ANKRD35: variants seen among roughly 807,000 people sequenced by gnomAD.
ANKRD35 encodes the protein ankyrin repeat domain 35, also known as ankyrin repeat domain-containing protein 35.
Under a neutral mutation model 109.9 loss-of-function variants are expected in ANKRD35, and 102 were observed. The ratio of observed to expected loss-of-function variants is 0.93; its 90% CI spans 0.79 to 1.09. The LOEUF (loss-of-function observed/expected upper bound fraction) is 1.09. Ranked by LOEUF, ANKRD35 falls within the 50% of genes least tolerant of loss-of-function variation. The probability of loss-of-function intolerance (pLI) is 0.00; values close to 1 mark genes in which losing one functional copy is unlikely to be tolerated. For missense variants in ANKRD35, 1,240 were observed against 1,230.1 expected, an observed-to-expected ratio of 1.01 and a Z score of -0.12; for synonymous variants, 515 against 512.4, an observed-to-expected ratio of 1.01 and a Z score of -0.07.
rs1167830061 is a variant in ANKRD35 at position 145,874,312 on chromosome 1, A to G, written c.746-120T>C. On this transcript the variant is annotated intron_variant, in intron 8 of 13. Coordinates refer to ENST00000355594, the MANE Select transcript of ANKRD35 (RefSeq NM_144698.5). The stretch of plus-strand genomic sequence containing the variant: ...GCCTCTCTGTGATCAATCTCACTGC[A>G]CATCTTCCTGGTGCCAGAAGCCAAT... 4 of 1,106,708 alleles carry G rather than the reference A, an allele frequency of 3.6e-6. No individual in the cohort carries two copies. The Admixed American group carries it at 7.8e-5, about 22-fold the overall frequency. 68.6% of individuals were successfully genotyped at this position (1,106,708 alleles called of 1,614,324 possible).
Position 145,873,042 on chromosome 1 carries a change from C to T in ANKRD35, c.1727G>A (p.Gly576Glu), listed in dbSNP as rs1553739201. The T allele has an allele frequency of 6.2e-7, 1 of 1,611,740 alleles. No individual in the cohort carries two copies. ...SREGALKAAP[G>E]SIKQDEEKEK... ...CTTCTCTTCATCCTGTTTGATGCTC[C>T]CTGGGGCTGCCTTTAGGGCTCCCTC... The change falls in exon 10 of 14, where the codon GGG becomes GAG. Residue 576 changes from glycine to glutamate, a missense_variant. Gly to Glu is a moderately conservative substitution (Grantham distance 98). Coordinates refer to ENST00000355594, the MANE Select transcript of ANKRD35 (RefSeq NM_144698.5).
chr1:145,868,525 C>T (rs143545071), intron 10 of ANKRD35, 125 bp from the exon 11 acceptor site: 2 of 737,200 alleles, frequency 2.7e-6, no homozygotes, highest in African/African-American at 3.5e-5. Context: ...TCTCATTTAA[C>T]ACTCAAAACA....
chr1:145,883,657 G>A (rs1375895460), intron 1 of ANKRD35, among the ~76,000 whole-genome samples: 1 of 152,236 alleles, frequency 6.6e-6, no homozygotes, highest in Admixed American at 6.5e-5. Context: ...GATGGGTAGA[G>A]GCAGTCTTCC....
Position 145,876,310 on chromosome 1 carries a change from C to T in ANKRD35, c.454-64G>A, listed in dbSNP as rs969090860. On this transcript the variant is annotated intron_variant, in intron 6 of 13. Coordinates refer to ENST00000355594, the MANE Select transcript of ANKRD35 (RefSeq NM_144698.5). Reference sequence around the variant, plus strand: ...GACTGCAGAGGCTTGACAATCCTACCGGCTCCCCTCCCCTCACACCTGTCC... The same window carrying T: ...GACTGCAGAGGCTTGACAATCCTACTGGCTCCCCTCCCCTCACACCTGTCC... 2.1e-5 allele frequency: 31 copies of T among 1,483,010 alleles called. No homozygotes were observed. The African/African-American group carries it at 2.6e-4, about 13-fold the overall frequency. 91.9% of individuals were successfully genotyped at this position (1,483,010 alleles called of 1,614,324 possible).
Position 145,873,221 on chromosome 1 carries a change from C to T in ANKRD35, c.1548G>A (p.Pro516=), listed in dbSNP as rs782311485. ...KDAARGALSR[P]VMEGALGTPR... is the part of the protein sequence containing the mutation. ...GAGTCCCCAGGGCTCCCTCCATGAC[C>T]GGTCTTGACAAAGCCCCCCGGGCAG... Residue 516 remains proline, a synonymous_variant, in exon 10 of 14, where the codon CCG becomes CCA. Coordinates refer to ENST00000355594, the MANE Select transcript of ANKRD35 (RefSeq NM_144698.5). 1.1e-5 allele frequency: 18 copies of T among 1,613,906 alleles called. No individual in the cohort carries two copies. The highest frequency in any genetic ancestry group is 1.4e-5 in the Non-Finnish European group (16 of 1,180,042).
At position 145,876,167 on chromosome 1, in the gene ANKRD35, CG is replaced by C; in HGVS notation, c.532del (p.Arg178GlufsTer13). On this transcript the variant is annotated frameshift_variant, in exon 7 of 14. Coordinates refer to ENST00000355594, the MANE Select transcript of ANKRD35 (RefSeq NM_144698.5). LOFTEE classifies it high-confidence loss of function. Reference protein sequence around the residue: ...ICSQLLQRGARVNVTDKNDKS... With the variant: ...ICSQLLQRGAXVNVTDKNDKS... The stretch of plus-strand genomic sequence containing the variant: ...GTCATTCTTGTCTGTAACATTAACT[CG>C]GGCGCCTCGCTGCAGCAGCTGTGAG... 2 of 1,613,944 alleles carry C rather than the reference CG, an allele frequency of 1.2e-6. No individual in the cohort carries two copies. The highest frequency in any genetic ancestry group is 2.7e-5 in the African/African-American group (2 of 75,018).
rs782808223 is a variant in ANKRD35 at position 145,873,271 on chromosome 1, C to T, written c.1498G>A (p.Ala500Thr). ...QLLLQLREEL[A>T]AVWREKDAAR... The stretch of plus-strand genomic sequence containing the variant: ...GCATCCTTTTCTCGCCACACTGCAG[C>T]AAGCTCCTCCCTTAGTTGAAGCAGA... The change falls in exon 10 of 14, where the codon GCT becomes ACT. Residue 500 changes from alanine (A) to threonine (T), a missense_variant. Ala to Thr is a moderately conservative substitution (Grantham distance 58). Transcript: ENST00000355594. The T allele has an allele frequency of 2.4e-5, 39 of 1,614,164 alleles. No individual in the cohort carries two copies. The highest frequency in any genetic ancestry group is 3.1e-5 in the Non-Finnish European group (37 of 1,180,000).
intron 2 of ANKRD35, among the ~76,000 whole-genome samples, chr1:145,878,817 A>C (rs1373651141): frequency 6.6e-6 from 1 of 152,198 alleles, no homozygotes; most frequent in Non-Finnish European, 1.5e-5. Context: ...AGCAGAGTGA[A>C]GGCTGGACAT....
rs373916553 is a variant in ANKRD35 at position 145,872,518 on chromosome 1, G to A, written c.2251C>T (p.Gln751Ter). The change falls in exon 10 of 14, where the codon CAA becomes TAA. Residue 751 changes from glutamine (Q) to a stop codon, truncating the protein, a stop_gained. Coordinates refer to ENST00000355594, the MANE Select transcript of ANKRD35 (RefSeq NM_144698.5). LOFTEE classifies it high-confidence loss of function. The part of the protein sequence containing the change: ...REAQQVLARL[Q>*]EENQQLRGSL... ...CCCCGCAACTGCTGGTTTTCTTCTT[G>A]CAGCCGAGCCAGCACCTGCTGGGCC... 2 of 1,602,878 alleles carry A rather than the reference G, an allele frequency of 1.2e-6. No individual in the cohort carries two copies. The highest frequency in any genetic ancestry group is 1.7e-6 in the Non-Finnish European group (2 of 1,175,090).
chr1:145,884,770 A>C (rs1439640587), intron 1 of ANKRD35, among the ~76,000 whole-genome samples: 1 of 151,940 alleles, frequency 6.6e-6, no homozygotes, highest in Non-Finnish European at 1.5e-5. Flanking sequence ...ATTCCTAAGC[A>C]ACTGGGCAAG....
intron 12 of ANKRD35, 124 bp downstream of exon 12, chr1:145,867,867 G>C: frequency 1.1e-6 from 1 of 887,714 alleles, no homozygotes; most frequent in Admixed American, 2.0e-5. Context: ...CCTAGCACTG[G>C]ATCCAGCTTT....
intron 7 of ANKRD35, 95 bp from the exon 8 acceptor site, chr1:145,875,101 G>T: frequency 2.3e-6 from 3 of 1,285,186 alleles, no homozygotes; most frequent in Non-Finnish European, 3.2e-6. Flanking sequence ...CTCTCATTCA[G>T]TGGGGTCAGG....
In ANKRD35 at chr1:145,867,339, T is replaced by C. The variant is rs1653642186; in HGVS notation, c.2997A>G (p.Glu999=). The change falls in exon 13 of 14, where the codon GAA becomes GAG. Residue 999 remains glutamate (E), a synonymous_variant. Transcript: ENST00000355594. ...ACACAGTGAGGCTGCCTCACTCCTCTTCCATGCTAAGGATTTGCAGCAGGA... is the reference window on the plus strand; with the variant it reads ...ACACAGTGAGGCTGCCTCACTCCTCCTCCATGCTAAGGATTTGCAGCAGGA... The part of the protein sequence containing the change: ...YNILLQILSM[E]EE 1 of 1,613,920 alleles carries C rather than the reference T, an allele frequency of 6.2e-7. No individual in the cohort carries two copies. The highest frequency in any genetic ancestry group is 1.3e-5 in the African/African-American group (1 of 74,996).
chr1:145,880,761 C>G (rs1233522117), intron 1 of ANKRD35, among the ~76,000 whole-genome samples: 1 of 152,164 alleles, frequency 6.6e-6, no homozygotes, highest in East Asian at 1.9e-4. Context: ...CAGGAAAGCT[C>G]TAAATATCCA....
At position 145,872,138 on chromosome 1, in the gene ANKRD35, C is replaced by T; in HGVS notation, c.2631G>A (p.Glu877=). 6.2e-7 allele frequency: 1 copy of T among 1,609,608 alleles called. No individual in the cohort carries two copies. The highest frequency in any genetic ancestry group is 8.5e-7 in the Non-Finnish European group (1 of 1,178,256). ...CGGCCAGGTCCCCGCTCCGGCGGCG[C>T]TCCTCGGCCACCGCCTCCCGCAGCC... ...VGRLREAVAE[E]RRRSGDLAAQ... The change falls in exon 10 of 14, where the codon GAG becomes GAA. Residue 877 remains glutamate, a synonymous_variant. Coordinates refer to ENST00000355594, the MANE Select transcript of ANKRD35 (RefSeq NM_144698.5).
intron 6 of ANKRD35, 68 bp downstream of exon 6, chr1:145,876,501 A>G: frequency 6.3e-7 from 1 of 1,592,732 alleles, no homozygotes; most frequent in South Asian, 1.1e-5. Context: ...GAAGTTGGCC[A>G]GTCAAGCTGA....
chr1:145,884,491 C>A (rs1654406470), intron 1 of ANKRD35, among the ~76,000 whole-genome samples: 2 of 152,196 alleles, frequency 1.3e-5, no homozygotes, highest in African/African-American at 2.4e-5. Flanking sequence ...AATATTGCTA[C>A]AAGTAGCTGG....
Position 145,874,894 on chromosome 1 carries a change from AGTGCAGAGCATC to A in ANKRD35, c.661_672del (p.Asp221_His224del). 6.2e-7 allele frequency: 1 copy of A among 1,613,738 alleles called. No individual in the cohort carries two copies. ...GCCTTGTCTTGTGTGTGCAGAGCAT[AGTGCAGAGCATC>A]ATGCCCTGTGCTGTCCACAGCCCCC... On this transcript the variant is annotated inframe_deletion, in exon 8 of 14. Coordinates refer to ENST00000355594, the MANE Select transcript of ANKRD35 (RefSeq NM_144698.5).
At chr1:145,879,075 A>G (rs782000129) in intron 2 of ANKRD35, among the ~76,000 whole-genome samples, 183 bp downstream of exon 2, 3 of 152,226 alleles carry the variant, frequency 2.0e-5, no homozygotes, top group Non-Finnish European at 2.9e-5. Flanking sequence ...CTCAGGAACA[A>G]TATTTTCTTT....
Sources: gnomAD v4.1 joint callset for allele counts (sites outside exome capture counted in the v4.1 genomes callset) on GRCh38, gnomAD v4.1.1 for gene constraint, MANE v1.5 for transcripts, NCBI Gene and HGNC (gene_info 2026-07-23, HGNC 2026-07-21) for gene names.